ACBD7: variants seen among roughly 807,000 people sequenced by gnomAD.
ACBD7 encodes acyl-CoA binding domain containing 7.
A neutral mutation model predicts 13.7 loss-of-function variants in ACBD7; 11 were observed. The observed-to-expected ratio is 0.80, with a 90% confidence interval of 0.50 to 1.33. ACBD7 has a LOEUF of 1.33. Ranked by LOEUF, ACBD7 falls within the 40% of genes most tolerant of loss-of-function variation. The probability of loss-of-function intolerance (pLI) is 0.00; values close to 1 mark genes in which losing one functional copy is unlikely to be tolerated. For missense variants in ACBD7, 111 were observed against 103.0 expected (o/e 1.08, Z -0.33); for synonymous variants, 43 against 37.7 (o/e 1.14, Z -0.51).
intron 1 of ACBD7, chr10:15,088,374 C>T (rs1844833092): frequency 4.4e-6 from 2 of 457,472 alleles, no homozygotes; most frequent in African/African-American, 2.1e-5. Context: ...TAAGAGAGGT[C>T]CTGGAGGTCC....
rs1844836083 is a variant in ACBD7 at position 15,088,573 on chromosome 10, C to T, written c.12+144G>A. 8.5e-6 allele frequency: 10 copies of T among 1,175,888 alleles called. No individual in the cohort carries two copies. In the South Asian group the frequency reaches 9.1e-5, roughly 11 times the overall value. The allele number at this position is 1,175,888 out of a possible 1,614,324, so 72.8% of individuals were successfully genotyped here. On this transcript the variant is annotated intron_variant, in intron 1 of 3. Coordinates refer to ENST00000356189, the MANE Select transcript of ACBD7 (RefSeq NM_001039844.3). ...CAGGCACAGGTGCGGTCTACACTGCCATCTGGGGCGCTGGGGAAGGAGTGG... is the reference window on the plus strand; with the variant it reads ...CAGGCACAGGTGCGGTCTACACTGCTATCTGGGGCGCTGGGGAAGGAGTGG...
chr10:15,079,994 G>A (rs544235517), intron 1 of ACBD7, among the ~76,000 whole-genome samples: 21 of 151,124 alleles, frequency 1.4e-4, no homozygotes, highest in Non-Finnish European at 2.1e-4. Flanking sequence ...CAGGGGCTTC[G>A]CTACCAGTTA....
intron 1 of ACBD7, among the ~76,000 whole-genome samples, chr10:15,084,169 T>C (rs763644183): frequency 4.6e-5 from 7 of 152,166 alleles, no homozygotes; most frequent in Non-Finnish European, 1.0e-4. Flanking sequence ...GAGCTCAACA[T>C]AAAGGCTATG....
intron 1 of ACBD7, among the ~76,000 whole-genome samples, chr10:15,081,417 C>T (rs1292924667): frequency 1.3e-5 from 2 of 152,190 alleles, no homozygotes; most frequent in Non-Finnish European, 2.9e-5. Context: ...CACCTGGACC[C>T]ATCCAGATTA....
rs10541297 is a variant in ACBD7, at chr10:15,075,976, CAAAAAAAA to C, written c.*2546_*2553del. 27 of 309,206 alleles carry C rather than the reference CAAAAAAAA, an allele frequency of 8.7e-5. No homozygotes were observed. Among genetic ancestry groups the C allele is most frequent in the South Asian group, 1.4e-4 (1 of 7,076 alleles). 19.2% of individuals were successfully genotyped at this position (309,206 alleles called of 1,614,324 possible). A position where few individuals can be genotyped will look rare whatever the true frequency, so the allele number is the denominator to read the frequency against. Reference sequence around the variant, plus strand: ...GTAACAGAGTGACAGCCTGTCTCAACAAAAAAAAAAAAAAAAAAAAAGAAAAGAAAAAG... The same window carrying C: ...GTAACAGAGTGACAGCCTGTCTCAACAAAAAAAAAAAAAGAAAAGAAAAAG... On this transcript the variant is annotated 3_prime_UTR_variant, in exon 4 of 4. Transcript: ENST00000356189.
intron 1 of ACBD7, among the ~76,000 whole-genome samples, chr10:15,085,119 G>C (rs1844794670): frequency 6.6e-6 from 1 of 152,206 alleles, no homozygotes; most frequent in Non-Finnish European, 1.5e-5. Flanking sequence ...TGAGCGAGGG[G>C]TCCTCGGCAT....
chr10:15,084,310 T>C (rs973951283), intron 1 of ACBD7, among the ~76,000 whole-genome samples: 1 of 152,174 alleles, frequency 6.6e-6, no homozygotes, highest in African/African-American at 2.4e-5. Context: ...AGTACATCCT[T>C]GTTGGATGGT....
At chr10:15,083,994 T>G (rs576284983) in intron 1 of ACBD7, among the ~76,000 whole-genome samples, 9 of 152,272 alleles carry the variant, frequency 5.9e-5, no homozygotes, top group African/African-American at 2.2e-4. Context: ...GGGGACTTGC[T>G]GCAAATAAGG....
chr10:15,082,386 C>A (rs2131395692), intron 1 of ACBD7, among the ~76,000 whole-genome samples: 1 of 151,636 alleles, frequency 6.6e-6, no homozygotes, highest in African/African-American at 2.4e-5. Context: ...ATACACTCAG[C>A]TTTGTAAGTA....
At chr10:15,087,548 G>T (rs919151278) in intron 1 of ACBD7, among the ~76,000 whole-genome samples, 8 of 150,490 alleles carry the variant, frequency 5.3e-5, no homozygotes, top group African/African-American at 2.0e-4. Flanking sequence ...TGTCCAAGGC[G>T]GGTGGATCAC....
intron 1 of ACBD7, among the ~76,000 whole-genome samples, chr10:15,080,332 C>T (rs149298231): frequency 0.02 from 3,032 of 152,218 alleles, 41 homozygotes; most frequent in African/African-American, 0.026. Flanking sequence ...GTAATCCTAG[C>T]ACTTTGGGAT....
intron 1 of ACBD7, among the ~76,000 whole-genome samples, chr10:15,084,935 G>GTCTTCC (rs1844792310): frequency 6.6e-6 from 1 of 151,878 alleles, no homozygotes; most frequent in East Asian, 1.9e-4. Flanking sequence ...GAAAGTTGGG[G>GTCTTCC]TTTTGATTTA....
chr10:15,077,154 A>G lies in ACBD7; in HGVS notation c.*1376T>C, dbSNP rs957103403. 2.0e-5 allele frequency among the ~76,000 whole-genome samples: 3 copies of G among 152,188 alleles called. No homozygotes were observed. The highest frequency in any genetic ancestry group is 2.9e-5 in the Non-Finnish European group (2 of 68,034). On this transcript the variant is annotated 3_prime_UTR_variant, in exon 4 of 4. Coordinates refer to ENST00000356189, the MANE Select transcript of ACBD7 (RefSeq NM_001039844.3). ...TGCACTTGTATATCTATTGCAGCAC[A>G]ATTCACAAGAGCAAAGATATGGAAT...
chr10:15,082,994 G>C (rs775195297), intron 1 of ACBD7, among the ~76,000 whole-genome samples: 7 of 151,972 alleles, frequency 4.6e-5, no homozygotes, highest in African/African-American at 7.3e-5. Context: ...CCAAGATCCT[G>C]CCACTGCACT....
chr10:15,079,092 T>C (rs760657236), intron 1 of ACBD7, 52 bp from the exon 2 acceptor site: 7 of 1,273,118 alleles, frequency 5.5e-6, no homozygotes, highest in Admixed American at 1.9e-5. Flanking sequence ...CACCAAGGAA[T>C]AGGAACTCAA....
chr10:15,076,323 A>C lies in ACBD7; in HGVS notation c.*2207T>G, dbSNP rs762202278. 1.7e-4 allele frequency: 165 copies of C among 984,850 alleles called. No individual in the cohort carries two copies. The highest frequency in any genetic ancestry group is 2.4e-4 in the South Asian group (5 of 21,268). The allele number at this position is 984,850 out of a possible 1,614,324, so 61.0% of individuals were successfully genotyped here. On this transcript the variant is annotated 3_prime_UTR_variant, in exon 4 of 4. Transcript: ENST00000356189. ...GTAGGGGGCCAATATTATATTCCAG[A>C]CTCTATTTTTACTCAGATAGAACTG...
In ACBD7 at chr10:15,076,031, T is replaced by C. The variant is rs1010883832; in HGVS notation, c.*2499A>G. Reference sequence around the variant, plus strand: ...AAAGAATGTTATATAAATGGAATTATACATGTCACATTTGGGGACTGGCTT... The same window carrying C: ...AAAGAATGTTATATAAATGGAATTACACATGTCACATTTGGGGACTGGCTT... On this transcript the variant is annotated 3_prime_UTR_variant, in exon 4 of 4. Transcript: ENST00000356189. 4.4e-6 allele frequency: 3 copies of C among 679,004 alleles called. No homozygotes were observed. Among genetic ancestry groups the C allele is most frequent in the Non-Finnish European group, 5.5e-6 (3 of 550,326 alleles). The allele number at this position is 679,004 out of a possible 1,614,324, so 42.1% of individuals were successfully genotyped here.
intron 1 of ACBD7, among the ~76,000 whole-genome samples, chr10:15,082,527 TTG>T (rs1305816101): frequency 4.6e-5 from 7 of 152,204 alleles, no homozygotes; most frequent in African/African-American, 1.7e-4. Flanking sequence ...TGTGCATGGA[TTG>T]TGTTTATAAT....
Position 15,078,619 on chromosome 10 carries a change from CA to C in ACBD7, c.194-17del. The C allele has an allele frequency of 4.3e-6, 7 of 1,614,078 alleles. No homozygotes were observed. Among genetic ancestry groups the C allele is most frequent in the Non-Finnish European group, 5.9e-6 (7 of 1,179,998 alleles). On this transcript the variant is annotated splice_polypyrimidine_tract_variant and intron_variant, in intron 3 of 3. Coordinates refer to ENST00000356189, the MANE Select transcript of ACBD7 (RefSeq NM_001039844.3). ...GTCGACAACCCTAGAAAGATACAAA[CA>C]GGTTATCTCCCTGATTGGTGCACTG...
Sources: gnomAD v4.1 joint callset for allele counts (sites outside exome capture counted in the v4.1 genomes callset) on GRCh38, gnomAD v4.1.1 for gene constraint, MANE v1.5 for transcripts, NCBI Gene and HGNC (gene_info 2026-07-23, HGNC 2026-07-21) for gene names.